GRM7: variants seen among roughly 807,000 people sequenced by gnomAD.
The protein encoded by GRM7 is glutamate metabotropic receptor 7, also known as metabotropic glutamate receptor 7.
Under a neutral mutation model 84.5 loss-of-function variants are expected in GRM7, and 35 were observed. That is an observed-to-expected ratio of 0.41 (90% confidence interval 0.32 to 0.55). The LOEUF (loss-of-function observed/expected upper bound fraction) is 0.55, where lower values mean the gene tolerates loss of function less well. Among genes scored for constraint, GRM7 ranks in the 20% least tolerant of loss-of-function variants. The pLI is 0.19. For missense variants in GRM7, 1,003 were observed against 1,194.6 expected, an observed-to-expected ratio of 0.84 and a Z score of 2.36; for synonymous variants, 487 against 455.1, an observed-to-expected ratio of 1.07 and a Z score of -0.89.
At chr3:7,240,120 G>GTTTTTTTTTTTTTTTTT (rs397988598) in intron 2 of GRM7, among the ~76,000 whole-genome samples, 1 of 52,720 alleles carries the variant, frequency 1.9e-5, no homozygotes, top group African/African-American at 7.0e-5. Context: ...AGCATGTGAG[G>GTTTTTTTTTTTTTTTTT]TTTTTTTTTT....
chr3:7,564,585 G>A (rs1021606413), intron 7 of GRM7, among the ~76,000 whole-genome samples: 2 of 152,126 alleles, frequency 1.3e-5, no homozygotes, highest in Non-Finnish European at 2.9e-5. Context: ...CGAGGGAGAG[G>A]AGGACTGGGA....
At chr3:7,592,864 G>A (rs1695860388) in intron 8 of GRM7, among the ~76,000 whole-genome samples, 1 of 152,046 alleles carries the variant, frequency 6.6e-6, no homozygotes, top group Admixed American at 6.6e-5. Flanking sequence ...CACTGCTGGA[G>A]AGAAGCTAGT....
At chr3:6,893,751 G>A (rs1470749334) in intron 1 of GRM7, among the ~76,000 whole-genome samples, 2 of 152,010 alleles carry the variant, frequency 1.3e-5, no homozygotes, top group African/African-American at 4.8e-5. Flanking sequence ...TTTACATTTG[G>A]TTATTAGTTA....
At chr3:7,475,426 A>G (rs1333705683) in intron 7 of GRM7, among the ~76,000 whole-genome samples, 4 of 152,182 alleles carry the variant, frequency 2.6e-5, no homozygotes, top group African/African-American at 7.2e-5. Flanking sequence ...GTTGGTAGTC[A>G]GTTACCCGAT....
intron 7 of GRM7, among the ~76,000 whole-genome samples, chr3:7,480,654 T>G (rs1194667921): frequency 6.6e-6 from 1 of 152,236 alleles, no homozygotes; most frequent in African/African-American, 2.4e-5. Context: ...ATTGCAGAGT[T>G]AAATTGTTGA....
intron 1 of GRM7, among the ~76,000 whole-genome samples, chr3:6,999,720 A>G (rs537993610): frequency 6.6e-6 from 1 of 152,288 alleles, no homozygotes; most frequent in East Asian, 1.9e-4. Context: ...AGAAGTGCAG[A>G]GTGAAGGAAG....
chr3:7,533,896 TACGTTCCTACCACATGGTAG>T (rs1701138614), intron 7 of GRM7, among the ~76,000 whole-genome samples: 4 of 152,308 alleles, frequency 2.6e-5, no homozygotes, highest in Admixed American at 2.0e-4. Flanking sequence ...ACTGATTTAC[TACGTTCCTACCACATGGTAG>T]ATGTTATGTT....
intron 2 of GRM7, among the ~76,000 whole-genome samples, chr3:7,213,113 T>G (rs1382620279): frequency 6.6e-6 from 1 of 152,250 alleles, no homozygotes; most frequent in African/African-American, 2.4e-5. Context: ...AGTTAAATAC[T>G]ATTTCTTTCA....
chr3:7,550,708 G>A (rs1575483403), intron 7 of GRM7, among the ~76,000 whole-genome samples: 1 of 150,640 alleles, frequency 6.6e-6, no homozygotes, highest in East Asian at 2.0e-4. Flanking sequence ...TGCTGTGTAT[G>A]CTTTTTCTGA....
chr3:7,008,109 G>C (rs998046060), intron 1 of GRM7, among the ~76,000 whole-genome samples: 4 of 22,624 alleles, frequency 1.8e-4, no homozygotes, highest in Non-Finnish European at 5.0e-4. Context: ...ATAACAATGA[G>C]AATGCGTTTT....
rs181259581 is a variant in GRM7 at position 7,160,622 on chromosome 3, G to A, written c.736+13954G>A. On this transcript the variant is annotated intron_variant, in intron 2 of 9. Transcript: ENST00000357716. ...ACTCCCTTGCCTTCACCTTGCTTAA[G>A]ACTGAGAAAGGAGTTAGATTTTGTC... Among the ~76,000 whole-genome samples the A allele has an allele frequency of 1.2e-4, 19 of 152,224 alleles. No individual in the cohort carries two copies. In the East Asian group the frequency reaches 3.5e-3, roughly 28 times the overall value.
intron 5 of GRM7, among the ~76,000 whole-genome samples, chr3:7,426,276 C>T (rs546874365): frequency 4.6e-5 from 7 of 152,048 alleles, no homozygotes; most frequent in Admixed American, 6.6e-5. Context: ...TGCGCCACCA[C>T]GCCCTGCTAA....
intron 1 of GRM7, among the ~76,000 whole-genome samples, chr3:6,985,005 T>C (rs1694356797): frequency 6.6e-6 from 1 of 152,202 alleles, no homozygotes; most frequent in Non-Finnish European, 1.5e-5. Context: ...GAGGCTGAGA[T>C]TACCTCTATA....
chr3:7,043,993 T>G (rs536185629), intron 1 of GRM7, among the ~76,000 whole-genome samples: 2 of 152,332 alleles, frequency 1.3e-5, no homozygotes, highest in East Asian at 3.9e-4. Flanking sequence ...CTTTTGCATT[T>G]TGTATGTTGA....
intron 7 of GRM7, among the ~76,000 whole-genome samples, chr3:7,556,096 G>T (rs1693743937): frequency 6.6e-6 from 1 of 152,104 alleles, no homozygotes; most frequent in Admixed American, 6.6e-5. Context: ...AGATCAAGGT[G>T]CTGGCAGATT....
At chr3:7,194,913 TCTATCTTA>T (rs1695831185) in intron 2 of GRM7, among the ~76,000 whole-genome samples, 1 of 152,142 alleles carries the variant, frequency 6.6e-6, no homozygotes, top group African/African-American at 2.4e-5. Context: ...TCTATGATAG[TCTATCTTA>T]CCTCAACAGA....
intron 2 of GRM7, among the ~76,000 whole-genome samples, chr3:7,152,293 A>C (rs1694310410): frequency 6.6e-6 from 1 of 152,132 alleles, no homozygotes; most frequent in Non-Finnish European, 1.5e-5. Flanking sequence ...TATAGTTATC[A>C]TTATCCATTC....
At position 6,953,070 on chromosome 3, in the gene GRM7, C is replaced by T. The variant is rs577916283; in HGVS notation, c.519+91163C>T. Among the ~76,000 whole-genome samples the T allele has an allele frequency of 6.6e-5, 10 of 152,242 alleles. No individual in the cohort carries two copies. The South Asian group carries it at 1.5e-3, about 22-fold the overall frequency. On this transcript the variant is annotated intron_variant, in intron 1 of 9. Transcript: ENST00000357716. ...AGTTCTCTATATTTTAGTGACTGAACGTGAAGAAAAGTTTCATTTCTTGTT... is the reference window on the plus strand; with the variant it reads ...AGTTCTCTATATTTTAGTGACTGAATGTGAAGAAAAGTTTCATTTCTTGTT...
intron 8 of GRM7, among the ~76,000 whole-genome samples, chr3:7,672,856 A>T (rs113728690): frequency 6.6e-6 from 1 of 151,892 alleles, no homozygotes; most frequent in African/African-American, 2.4e-5. Flanking sequence ...CGGCCTCCCA[A>T]AGTGCTGGGA....
Sources: allele counts gnomAD v4.1 joint callset (sites outside exome capture counted in the v4.1 genomes callset), GRCh38; gene constraint gnomAD v4.1.1; transcripts MANE v1.5; gene names NCBI Gene and HGNC (gene_info 2026-07-23, HGNC 2026-07-21).